SNX29: variants seen among roughly 807,000 people sequenced by gnomAD.
SNX29 encodes the protein sorting nexin-29.
SNX29 carries 78 observed loss-of-function variants against 102.1 expected under a neutral mutation model. The observed-to-expected ratio is 0.76, with a 90% CI of 0.64 to 0.92. SNX29 has a LOEUF of 0.92. SNX29 is among the 40% of genes least tolerant of loss of function. SNX29 has a pLI of 0.00. For synonymous variants in SNX29, 580 were observed against 414.5 expected (o/e 1.40, Z -4.85); for missense variants, 1,280 against 1,061.7 (o/e 1.21, Z -2.86).
intron 17 of SNX29, among the ~76,000 whole-genome samples, chr16:12,401,033 A>T (rs2083919890): frequency 6.6e-6 from 1 of 152,232 alleles, no homozygotes; most frequent in African/African-American, 2.4e-5. Flanking sequence ...GGGTTTCACC[A>T]TGTTAGCCAG....
At chr16:12,318,213 T>A (rs2080815317) in intron 15 of SNX29, among the ~76,000 whole-genome samples, 1 of 152,252 alleles carries the variant, frequency 6.6e-6, no homozygotes, top group Non-Finnish European at 1.5e-5. Context: ...CATGCACACC[T>A]GGGAGCCTGC....
chr16:12,567,129 G>C (rs933504976), intron 20 of SNX29, among the ~76,000 whole-genome samples: 2 of 152,244 alleles, frequency 1.3e-5, no homozygotes, highest in African/African-American at 4.8e-5. Context: ...TAACTCACAT[G>C]ATTTGTGAAA....
chr16:12,302,515 T>A lies in SNX29; in HGVS notation c.1782+24479T>A, dbSNP rs187105225. Among the ~76,000 whole-genome samples the A allele has an allele frequency of 8.6e-4, 131 of 152,330 alleles. 6 individuals carry two copies. In the South Asian group the frequency reaches 0.023, roughly 26 times the overall value. Reference sequence around the variant, plus strand: ...GTCTGGTGAGGGCCCACTTTGTGGTTCATAGAGGGCATGTTCTTGCCATGT... The same window carrying A: ...GTCTGGTGAGGGCCCACTTTGTGGTACATAGAGGGCATGTTCTTGCCATGT... On this transcript the variant is annotated intron_variant, in intron 15 of 20. Coordinates refer to ENST00000566228, the MANE Select transcript of SNX29 (RefSeq NM_032167.5).
intron 20 of SNX29, among the ~76,000 whole-genome samples, chr16:12,566,118 T>C (rs756405024): frequency 1.5e-4 from 23 of 152,218 alleles, no homozygotes; most frequent in Non-Finnish European, 1.0e-4. Flanking sequence ...CTTTATTCTG[T>C]CCAAGGCTCA....
chr16:12,543,655 A>G (rs1255403928), intron 20 of SNX29, among the ~76,000 whole-genome samples: 1 of 152,210 alleles, frequency 6.6e-6, no homozygotes. Flanking sequence ...CTGTCTCCAG[A>G]CGCTCTTCCA....
intron 15 of SNX29, among the ~76,000 whole-genome samples, chr16:12,288,637 C>G (rs2079684095): frequency 6.7e-6 from 1 of 148,594 alleles, no homozygotes; most frequent in African/African-American, 2.5e-5. Flanking sequence ...TATGATGGCA[C>G]CACTGCTTTC....
chr16:12,088,573 T>C (rs943238334), intron 11 of SNX29, among the ~76,000 whole-genome samples: 1 of 152,182 alleles, frequency 6.6e-6, no homozygotes, highest in South Asian at 2.1e-4. Flanking sequence ...GTGCTTTTCT[T>C]TTTGAAGAAA....
At chr16:12,110,624 G>A (rs1035670352) in intron 11 of SNX29, among the ~76,000 whole-genome samples, 1 of 152,014 alleles carries the variant, frequency 6.6e-6, no homozygotes, top group African/African-American at 2.4e-5. Context: ...TGAGACAAAC[G>A]CCCAGGCTTT....
intron 14 of SNX29, among the ~76,000 whole-genome samples, chr16:12,208,833 C>A (rs2077111085): frequency 9.0e-6 from 1 of 110,996 alleles, no homozygotes; most frequent in African/African-American, 2.9e-5. Context: ...AGAGTGAGAC[C>A]ATGTCTCTTT....
chr16:12,447,165 CAAAAAAAAAAAAAAAAAAA>C (rs59942122), intron 18 of SNX29, among the ~76,000 whole-genome samples: 3 of 43,916 alleles, frequency 6.8e-5, no homozygotes, highest in Admixed American at 4.5e-4. Context: ...GACTCTGTCT[CAAAAAAAAAAAAAAAAAAA>C]AAAAAAAAAA....
chr16:12,416,624 G>C (rs935557210), intron 18 of SNX29, among the ~76,000 whole-genome samples: 1 of 152,228 alleles, frequency 6.6e-6, no homozygotes, highest in African/African-American at 2.4e-5. Flanking sequence ...TCTGCAGGCT[G>C]TACAAGAAGC....
intron 4 of SNX29, among the ~76,000 whole-genome samples, chr16:12,037,263 C>T (rs72784621): frequency 0.032 from 4,796 of 152,186 alleles, 94 homozygotes; most frequent in Non-Finnish European, 0.051. Flanking sequence ...CCAGGAACAC[C>T]ATGCTTATAA....
rs191031276 is a variant in SNX29, at chr16:12,549,385, C to T, written c.2319-19121C>T. ...TGGTGTGCACCTGTAGTCCCAGCTACTCAGAAGGCTGAGGCAGGAGAATCT... is the reference window on the plus strand; with the variant it reads ...TGGTGTGCACCTGTAGTCCCAGCTATTCAGAAGGCTGAGGCAGGAGAATCT... On this transcript the variant is annotated intron_variant, in intron 20 of 20. Coordinates refer to ENST00000566228, the MANE Select transcript of SNX29 (RefSeq NM_032167.5). Among the ~76,000 whole-genome samples, 16 of 152,334 alleles carry T rather than the reference C, an allele frequency of 1.1e-4. No individual in the cohort carries two copies. The East Asian group carries it at 3.1e-3, about 29-fold the overall frequency.
intron 13 of SNX29, among the ~76,000 whole-genome samples, chr16:12,144,936 T>C (rs1165303519): frequency 6.6e-6 from 1 of 152,188 alleles, no homozygotes. Flanking sequence ...TTAGCCAGGA[T>C]GGTCTCTATC....
intron 1 of SNX29, among the ~76,000 whole-genome samples, chr16:11,990,205 G>C (rs557146151): frequency 1.3e-5 from 2 of 152,278 alleles, no homozygotes; most frequent in South Asian, 4.1e-4. Flanking sequence ...TGTCGAGTTG[G>C]CTGGAACATT....
Position 12,003,053 on chromosome 16 carries a change from T to G in SNX29, c.122+10T>G, listed in dbSNP as rs745475447. The G allele has an allele frequency of 6.2e-7, 1 of 1,614,058 alleles. No homozygotes were observed. The highest frequency in any genetic ancestry group is 1.1e-5 in the South Asian group (1 of 91,084). On this transcript the variant is annotated intron_variant, in intron 3 of 20. Transcript: ENST00000566228. Reference sequence around the variant, plus strand: ...CGGATTCCGACAGCAGGTAAATATGTCACTTCTAAAACCGTTGACCATCGA... The same window carrying G: ...CGGATTCCGACAGCAGGTAAATATGGCACTTCTAAAACCGTTGACCATCGA...
intron 14 of SNX29, among the ~76,000 whole-genome samples, chr16:12,204,614 C>A (rs1460549615): frequency 6.6e-6 from 1 of 152,180 alleles, no homozygotes; most frequent in Non-Finnish European, 1.5e-5. Context: ...TGCTGGTGGC[C>A]ATCAAAATAA....
intron 20 of SNX29, among the ~76,000 whole-genome samples, chr16:12,533,871 A>G (rs1410974935): frequency 1.3e-5 from 2 of 152,188 alleles, no homozygotes; most frequent in African/African-American, 4.8e-5. Context: ...AGCTGGATAG[A>G]AGTCCTTGAC....
At chr16:12,225,446 G>A (rs2077584793) in intron 14 of SNX29, among the ~76,000 whole-genome samples, 1 of 152,110 alleles carries the variant, frequency 6.6e-6, no homozygotes, top group African/African-American at 2.4e-5. Flanking sequence ...AGATCTGATG[G>A]CTTTAAAAAC....
Sources: gnomAD v4.1 joint callset for allele counts (sites outside exome capture counted in the v4.1 genomes callset) on GRCh38, gnomAD v4.1.1 for gene constraint, MANE v1.5 for transcripts, NCBI Gene and HGNC (gene_info 2026-07-23, HGNC 2026-07-21) for gene names.